The following DOCK9 variants were observed in gnomAD, a reference collection of about 807,000 sequenced individuals.
The protein encoded by DOCK9 is dedicator of cytokinesis 9, also known as dedicator of cytokinesis protein 9.
DOCK9 carries 89 observed loss-of-function variants against 263.3 expected under a neutral mutation model. The ratio of observed to expected loss-of-function variants is 0.34; its 90% CI spans 0.28 to 0.40. The LOEUF (loss-of-function observed/expected upper bound fraction) is 0.40, where lower values mean the gene tolerates loss of function less well. Among genes scored for constraint, DOCK9 ranks in the 10% least tolerant of loss-of-function variants. DOCK9 has a pLI of 1.00. For synonymous variants in DOCK9, 976 were observed against 973.1 expected (o/e 1.00, Z -0.06); for missense variants, 2,140 against 2,603.4 (o/e 0.82, Z 3.87).
rs374473579 is a variant in DOCK9, at chr13:98,937,774, G to T, written c.244-7517C>A. Among the ~76,000 whole-genome samples, 231 of 151,316 alleles carry T rather than the reference G, an allele frequency of 1.5e-3. 9 individuals are homozygous for T. The South Asian group carries it at 0.045, about 30-fold the overall frequency. ...CACAGAGTTGCTCCCAGAATAAAAA[G>T]AGTGAAATTTACAACTGTCTCCAAG... On this transcript the variant is annotated intron_variant, in intron 2 of 52. Coordinates refer to ENST00000682017, the MANE Select transcript of DOCK9 (RefSeq NM_001366683.2).
At chr13:99,024,831 C>T (rs138472019) in intron 1 of DOCK9, among the ~76,000 whole-genome samples, 1,735 of 152,148 alleles carry the variant, frequency 0.011, 32 homozygotes, top group South Asian at 0.056. Context: ...CAAAATAGTC[C>T]TATTTTTTTT....
chr13:98,842,560 G>A (rs922480695), intron 38 of DOCK9, among the ~76,000 whole-genome samples: 11 of 152,126 alleles, frequency 7.2e-5, no homozygotes, highest in African/African-American at 2.2e-4. Context: ...TAAACATAGT[G>A]TTATTTTATA....
intron 1 of DOCK9, among the ~76,000 whole-genome samples, chr13:99,002,881 T>C (rs977791721): frequency 2.0e-5 from 3 of 152,212 alleles, no homozygotes; most frequent in Admixed American, 2.0e-4. Context: ...TTTTCTTTGT[T>C]CCTTGGCTTC....
chr13:98,992,540 G>C (rs911983544), intron 1 of DOCK9, among the ~76,000 whole-genome samples: 1 of 152,138 alleles, frequency 6.6e-6, no homozygotes, highest in Admixed American at 6.5e-5. Flanking sequence ...GATCCGGTGG[G>C]AAGTAAGTGA....
chr13:98,901,775 T>C lies in DOCK9; in HGVS notation c.1503+3A>G. On this transcript the variant is annotated splice_donor_region_variant and intron_variant, in intron 13 of 52. Transcript: ENST00000682017. ...CACCCCAAAGCGTAAAAGCCATTCATACCTTAGAAGAGTCTGAACTTTTCA... is the reference window on the plus strand; with the variant it reads ...CACCCCAAAGCGTAAAAGCCATTCACACCTTAGAAGAGTCTGAACTTTTCA... 1 of 1,612,208 alleles carries C rather than the reference T, an allele frequency of 6.2e-7. No homozygotes were observed. The highest frequency in any genetic ancestry group is 8.5e-7 in the Non-Finnish European group (1 of 1,179,114).
chr13:98,932,046 A>T (rs1488916657), intron 2 of DOCK9, among the ~76,000 whole-genome samples: 1 of 152,166 alleles, frequency 6.6e-6, no homozygotes, highest in East Asian at 1.9e-4. Flanking sequence ...GGTTTCAGAA[A>T]GAAATATTCT....
chr13:98,998,458 C>T (rs559640082), intron 1 of DOCK9, among the ~76,000 whole-genome samples: 1 of 152,326 alleles, frequency 6.6e-6, no homozygotes, highest in African/African-American at 2.4e-5. Context: ...ACTTACAGCA[C>T]TCATGGCCTT....
At chr13:99,082,393 C>T (rs2042156920) in intron 1 of DOCK9, among the ~76,000 whole-genome samples, 1 of 151,658 alleles carries the variant, frequency 6.6e-6, no homozygotes, top group Admixed American at 6.6e-5. Context: ...GTGGTGGGCG[C>T]CTATAATCTC....
chr13:98,883,690 T>C (rs2045211615), intron 22 of DOCK9, 123 bp downstream of exon 22: 4 of 592,468 alleles, frequency 6.8e-6, no homozygotes, highest in Admixed American at 3.5e-5. Flanking sequence ...TTTCTTTCTT[T>C]AGAAAAAGAT....
intron 7 of DOCK9, among the ~76,000 whole-genome samples, chr13:98,918,968 C>G (rs55773526): frequency 0.11 from 16,841 of 152,186 alleles, 1,009 homozygotes; most frequent in Middle Eastern, 0.21. Context: ...CACAGGAAAT[C>G]ATGCAATGAC....
At chr13:98,927,745 C>T (rs1389465973) in intron 3 of DOCK9, among the ~76,000 whole-genome samples, 1 of 151,878 alleles carries the variant, frequency 6.6e-6, no homozygotes, top group Non-Finnish European at 1.5e-5. Context: ...CTCAGCCTCC[C>T]GAGTAGCTGG....
chr13:99,086,526 T>A, exon 1 of DOCK9: 3 of 248,244 alleles, frequency 1.2e-5, no homozygotes, highest in Non-Finnish European at 1.9e-5. Context: ...GGCCGCGCCC[T>A]CTGCACCGTG....
chr13:99,031,249 G>T (rs567262622), intron 1 of DOCK9, among the ~76,000 whole-genome samples: 2 of 152,264 alleles, frequency 1.3e-5, no homozygotes, highest in East Asian at 3.9e-4. Flanking sequence ...ATTTAAAAGA[G>T]ATCACTTCAA....
At chr13:98,864,822 G>A (rs1393950083) in intron 30 of DOCK9, among the ~76,000 whole-genome samples, 1 of 152,066 alleles carries the variant, frequency 6.6e-6, no homozygotes, top group Non-Finnish European at 1.5e-5. Context: ...TGAATGGCTT[G>A]GTGCCCTCCT....
intron 1 of DOCK9, among the ~76,000 whole-genome samples, chr13:98,961,018 A>G (rs2058578548): frequency 6.6e-6 from 1 of 152,208 alleles, no homozygotes; most frequent in Non-Finnish European, 1.5e-5. Context: ...GAGAGTGGTC[A>G]TGTGGAACTG....
In DOCK9 at chr13:98,826,853, A is replaced by G; in HGVS notation, c.5000T>C (p.Val1667Ala). The change falls in exon 44 of 53, where the codon GTG becomes GCG. Residue 1667 changes from valine (V) to alanine (A), a missense_variant. By Grantham distance (64) the Val-to-Ala change is moderately conservative. Around this residue, in one of 2 missense-constraint regions of DOCK9, gnomAD observed 619 missense variants for 861.8 expected, o/e 0.72. Coordinates refer to ENST00000682017, the MANE Select transcript of DOCK9 (RefSeq NM_001366683.2). ...ACCTTTCCGTGTGAGATATTCTGCC[A>G]CTAGGGCTGTTACGTGGACATAGCA... ...AMCYVHVTAL[V>A]AEYLTRKGVF... 6.2e-7 allele frequency: 1 copy of G among 1,611,032 alleles called. No homozygotes were observed. The highest frequency in any genetic ancestry group is 1.1e-5 in the South Asian group (1 of 90,024).
chr13:98,868,569 G>C (rs1315191629), intron 27 of DOCK9, among the ~76,000 whole-genome samples, 192 bp from the exon 28 acceptor site: 1 of 152,136 alleles, frequency 6.6e-6, no homozygotes, highest in African/African-American at 2.4e-5. Flanking sequence ...TTTAAGACCA[G>C]CCCAGGCAAC....
intron 49 of DOCK9, among the ~76,000 whole-genome samples, chr13:98,801,805 C>A (rs919947021): frequency 1.3e-5 from 2 of 152,176 alleles, no homozygotes; most frequent in Non-Finnish European, 2.9e-5. Context: ...GGGAAACAGG[C>A]CCAGCCCCTG....
At chr13:98,824,215 G>A (rs1441245732) in intron 45 of DOCK9, among the ~76,000 whole-genome samples, 183 bp downstream of exon 45, 3 of 152,224 alleles carry the variant, frequency 2.0e-5, no homozygotes, top group Non-Finnish European at 4.4e-5. Context: ...CTCCTAGAAG[G>A]GGAGAACGGC....
Sources: allele counts gnomAD v4.1 joint callset (sites outside exome capture counted in the v4.1 genomes callset), GRCh38; gene constraint gnomAD v4.1.1; regional missense constraint gnomAD v4.1.1; transcripts MANE v1.5; gene names NCBI Gene and HGNC (gene_info 2026-07-23, HGNC 2026-07-21).